Variants in KCNJ6 observed in about 807,000 individuals in gnomAD.
KCNJ6 encodes G protein-activated inward rectifier potassium channel 2.
In KCNJ6, 9 loss-of-function variants were observed where a neutral mutation model predicts 34.2. That is an observed-to-expected ratio of 0.26 (90% CI 0.16 to 0.46). KCNJ6 has a LOEUF of 0.46. KCNJ6 is among the 20% of genes least tolerant of loss of function. KCNJ6 has a pLI of 1.00. For synonymous variants in KCNJ6, 196 were observed against 207.1 expected (o/e 0.95, Z 0.46); for missense variants, 236 against 531.3 (o/e 0.44, Z 5.46).
At chr21:37,840,551 G>C in intron 2 of KCNJ6, 107 bp downstream of exon 2, 2 of 734,228 alleles carry the variant, frequency 2.7e-6, no homozygotes, top group Non-Finnish European at 4.7e-6. Flanking sequence ...TCCCGTAAGA[G>C]CAAAAGAGAA....
intron 2 of KCNJ6, among the ~76,000 whole-genome samples, chr21:37,756,280 C>T (rs2055024350): frequency 1.3e-5 from 2 of 152,222 alleles, no homozygotes; most frequent in Admixed American, 1.3e-4. Flanking sequence ...CCATTCATTC[C>T]ATGTCAGAAA....
chr21:37,896,390 C>T (rs1196947957), intron 1 of KCNJ6, among the ~76,000 whole-genome samples: 1 of 152,142 alleles, frequency 6.6e-6, no homozygotes, highest in Non-Finnish European at 1.5e-5. Flanking sequence ...TCGTAGGGTG[C>T]CAGAAGCCAC....
intron 1 of KCNJ6, among the ~76,000 whole-genome samples, chr21:37,910,530 T>G (rs1362101513): frequency 6.6e-6 from 1 of 152,242 alleles, no homozygotes; most frequent in Non-Finnish European, 1.5e-5. Flanking sequence ...GAACAGTTGT[T>G]GGCAAGGACA....
chr21:37,900,589 G>A (rs955248244), intron 1 of KCNJ6, among the ~76,000 whole-genome samples: 1 of 152,212 alleles, frequency 6.6e-6, no homozygotes, highest in African/African-American at 2.4e-5. Flanking sequence ...GGCAGCAGAG[G>A]TGAAGGATGG....
At chr21:37,887,586 G>C (rs906557077) in intron 1 of KCNJ6, among the ~76,000 whole-genome samples, 1 of 152,176 alleles carries the variant, frequency 6.6e-6, no homozygotes, top group African/African-American at 2.4e-5. Flanking sequence ...GTTACGTGCT[G>C]TAAATTCAAG....
chr21:37,655,177 ATT>A (rs59656215), intron 3 of KCNJ6, among the ~76,000 whole-genome samples: 1 of 96,916 alleles, frequency 1.0e-5, no homozygotes, highest in Admixed American at 1.1e-4. Flanking sequence ...CACTCTAGAC[ATT>A]TGTGTGTGTG....
intron 1 of KCNJ6, among the ~76,000 whole-genome samples, chr21:37,902,938 G>A (rs889901360): frequency 2.0e-5 from 3 of 152,068 alleles, no homozygotes; most frequent in Non-Finnish European, 4.4e-5. Flanking sequence ...ACAATGCCAG[G>A]GTGTGAGAAC....
intron 3 of KCNJ6, among the ~76,000 whole-genome samples, chr21:37,680,439 T>C (rs997373872): frequency 2.2e-4 from 33 of 152,186 alleles, no homozygotes; most frequent in Non-Finnish European, 2.1e-4. Context: ...ATCCAGACTA[T>C]GACGGTTAAT....
intron 1 of KCNJ6, among the ~76,000 whole-genome samples, chr21:37,896,551 T>C (rs2055789281): frequency 1.3e-5 from 2 of 152,158 alleles, no homozygotes; most frequent in Admixed American, 1.3e-4. Context: ...CATTTTCTTG[T>C]GGGCCGTGAA....
intron 1 of KCNJ6, among the ~76,000 whole-genome samples, chr21:37,862,154 T>G (rs889946190): frequency 2.6e-5 from 4 of 152,216 alleles, no homozygotes; most frequent in Non-Finnish European, 4.4e-5. Flanking sequence ...AATTCTTCCA[T>G]GAGAGCTGTG....
At position 37,916,371 on chromosome 21, in the gene KCNJ6, G is replaced by T. The variant is rs545846784; in HGVS notation, c.-515C>A. The T allele has an allele frequency of 1.3e-5, 2 of 152,290 alleles. No homozygotes were observed. The highest frequency in any genetic ancestry group is 1.9e-4 in the East Asian group (1 of 5,176). 9.4% of individuals were successfully genotyped at this position (152,290 alleles called of 1,614,324 possible). On this transcript the variant is annotated 5_prime_UTR_variant, in exon 1 of 4. Coordinates refer to ENST00000609713, the MANE Select transcript of KCNJ6 (RefSeq NM_002240.5). ...CACGCAGAGAGACGTCATGAAATCC[G>T]CAGATTCAATGAATGCTACTCAATT...
At chr21:37,753,196 C>T (rs960798368) in intron 2 of KCNJ6, among the ~76,000 whole-genome samples, 21 of 152,294 alleles carry the variant, frequency 1.4e-4, no homozygotes, top group Admixed American at 1.3e-3. Flanking sequence ...TGCAAATCTG[C>T]AGGGGTTTCT....
chr21:37,823,377 T>C (rs981330365), intron 2 of KCNJ6, among the ~76,000 whole-genome samples: 12 of 152,220 alleles, frequency 7.9e-5, no homozygotes, highest in Non-Finnish European at 1.8e-4. Context: ...CTCACTTACA[T>C]GTGGAATCTA....
chr21:37,669,211 G>T (rs997421623), intron 3 of KCNJ6, among the ~76,000 whole-genome samples: 1 of 152,022 alleles, frequency 6.6e-6, no homozygotes, highest in Non-Finnish European at 1.5e-5. Context: ...GACCTGTAAG[G>T]CACCCCCCCA....
intron 3 of KCNJ6, among the ~76,000 whole-genome samples, chr21:37,661,669 G>C (rs917694135): frequency 3.2e-5 from 4 of 126,570 alleles, no homozygotes; most frequent in Admixed American, 1.0e-4. Flanking sequence ...TGTCGCCCAG[G>C]CTGGAGTGCA....
chr21:37,714,077 T>G lies in KCNJ6; in HGVS notation c.946+134A>C, dbSNP rs931685640. On this transcript the variant is annotated intron_variant, in intron 3 of 3. Transcript: ENST00000609713. The surrounding 1 kb of genome is among the most constrained non-coding windows in gnomAD (Gnocchi z 5.9). ...TCAGGTGAGACATGTAGGCATACTA[T>G]GTCATGAAGCAAGGGGATGTTGTCA... 11 of 704,846 alleles carry G rather than the reference T, an allele frequency of 1.6e-5. No homozygotes were observed. In the African/African-American group the frequency reaches 1.8e-4, roughly 11 times the overall value. 43.7% of individuals were successfully genotyped at this position (704,846 alleles called of 1,614,324 possible). A position where few individuals can be genotyped will look rare whatever the true frequency, so the allele number is the denominator to read the frequency against.
chr21:37,796,776 TTTC>T (rs1341454421), intron 2 of KCNJ6, among the ~76,000 whole-genome samples: 1 of 54,416 alleles, frequency 1.8e-5, no homozygotes, highest in South Asian at 8.5e-4. Context: ...GCTTTCTTTC[TTTC>T]TTTTTTTTTT....
chr21:37,801,039 G>C (rs1051044743), intron 2 of KCNJ6, among the ~76,000 whole-genome samples: 1 of 152,112 alleles, frequency 6.6e-6, no homozygotes, highest in East Asian at 1.9e-4. Context: ...CAGTTCATAG[G>C]GAGTATCCTT....
intron 1 of KCNJ6, among the ~76,000 whole-genome samples, chr21:37,915,507 A>G (rs992300979): frequency 2.0e-5 from 3 of 152,138 alleles, no homozygotes; most frequent in African/African-American, 7.2e-5. Flanking sequence ...GCTTTTCCCA[A>G]CTGTAAATGA....
Sources: gnomAD v4.1 joint callset for allele counts (sites outside exome capture counted in the v4.1 genomes callset) on GRCh38, gnomAD v4.1.1 for gene constraint, Gnocchi (gnomAD v3.1) non-coding constraint, MANE v1.5 for transcripts, NCBI Gene and HGNC (gene_info 2026-07-23, HGNC 2026-07-21) for gene names.